PRKD1: variants seen among roughly 807,000 people sequenced by gnomAD.
PRKD1 encodes serine/threonine-protein kinase D1.
Under a neutral mutation model 95.9 loss-of-function variants are expected in PRKD1, and 63 were observed. The ratio of observed to expected loss-of-function variants is 0.66; its 90% CI spans 0.54 to 0.81. The LOEUF (loss-of-function observed/expected upper bound fraction) is 0.81, where lower values mean the gene tolerates loss of function less well. PRKD1 is among the 30% of genes least tolerant of loss of function. The pLI is 0.00. For missense variants in PRKD1, 1,048 were observed against 1,165.3 expected (o/e 0.90, Z 1.47); for synonymous variants, 425 against 423.1 (o/e 1.00, Z -0.05).
chr14:29,662,694 C>T (rs1882249496), intron 4 of PRKD1, among the ~76,000 whole-genome samples: 1 of 151,924 alleles, frequency 6.6e-6, no homozygotes, highest in Admixed American at 6.6e-5. Flanking sequence ...AAAATATTTT[C>T]CAAACAAGTA....
At chr14:29,679,854 A>G (rs1462351112) in intron 2 of PRKD1, among the ~76,000 whole-genome samples, 1 of 151,982 alleles carries the variant, frequency 6.6e-6, no homozygotes, top group African/African-American at 2.4e-5. Context: ...CAGCCTCCCA[A>G]GTAGCTGAGA....
intron 17 of PRKD1, among the ~76,000 whole-genome samples, chr14:29,577,896 T>G (rs1314650930): frequency 1.3e-5 from 2 of 152,180 alleles, no homozygotes; most frequent in African/African-American, 4.8e-5. Context: ...TCTAAATGAG[T>G]ACAGTGCATG....
intron 1 of PRKD1, among the ~76,000 whole-genome samples, chr14:29,726,958 C>A (rs1235794845): frequency 2.0e-5 from 3 of 152,016 alleles, no homozygotes; most frequent in Non-Finnish European, 4.4e-5. Context: ...GTTCTAGATC[C>A]CTGAGGAATC....
At chr14:29,586,544 T>C (rs1016573762) in intron 16 of PRKD1, among the ~76,000 whole-genome samples, 1 of 152,222 alleles carries the variant, frequency 6.6e-6, no homozygotes, top group Non-Finnish European at 1.5e-5. Flanking sequence ...AGTATGATCG[T>C]ATTTCTTATC....
At chr14:29,768,801 C>T (rs1180966261) in intron 1 of PRKD1, among the ~76,000 whole-genome samples, 1 of 151,966 alleles carries the variant, frequency 6.6e-6, no homozygotes, top group Admixed American at 6.6e-5. Context: ...CAAACATAAG[C>T]CTACCTTTTC....
intron 1 of PRKD1, among the ~76,000 whole-genome samples, chr14:29,740,388 G>C (rs1886934260): frequency 6.6e-6 from 1 of 152,178 alleles, no homozygotes; most frequent in Non-Finnish European, 1.5e-5. Flanking sequence ...ATTAACTTTA[G>C]AGAAGAAAAA....
chr14:29,648,686 G>A (rs1322902643), intron 4 of PRKD1, among the ~76,000 whole-genome samples: 7 of 151,496 alleles, frequency 4.6e-5, no homozygotes, highest in Non-Finnish European at 8.8e-5. Context: ...AGGGAGTCTC[G>A]CTCTGTTGCC....
chr14:29,668,763 G>C (rs45509593), intron 2 of PRKD1, among the ~76,000 whole-genome samples: 72 of 152,212 alleles, frequency 4.7e-4, no homozygotes, highest in African/African-American at 1.6e-3. Context: ...TTAAAAAACT[G>C]GTAATTTTGG....
chr14:29,695,762 T>A lies in PRKD1; in HGVS notation c.404-29554A>T, dbSNP rs141698575. On this transcript the variant is annotated intron_variant, in intron 2 of 17. Coordinates refer to ENST00000331968, the MANE Select transcript of PRKD1 (RefSeq NM_002742.3). ...TAAACTGGAAAGAGTTTTGAGTTCA[T>A]CTCTAGGGAAATATCAGAAAAGAGG... 4.9e-3 allele frequency among the ~76,000 whole-genome samples: 747 copies of A among 152,252 alleles called. 3 individuals are homozygous for A. Among genetic ancestry groups the A allele is most frequent in the Middle Eastern group, 0.031 (9 of 294 alleles).
At chr14:29,639,947 A>G (rs189472930) in intron 4 of PRKD1, among the ~76,000 whole-genome samples, 1 of 152,338 alleles carries the variant, frequency 6.6e-6, no homozygotes, top group Non-Finnish European at 1.5e-5. Flanking sequence ...ATAATTTCAC[A>G]GTACCTTTGA....
chr14:29,787,245 A>AT (rs1889318455), intron 1 of PRKD1, among the ~76,000 whole-genome samples: 1 of 129,458 alleles, frequency 7.7e-6, no homozygotes, highest in African/African-American at 3.0e-5. Flanking sequence ...TTTGAGGCCT[A>AT]ATATATGGTC....
At position 29,775,353 on chromosome 14, in the gene PRKD1, C is replaced by T. The variant is rs528128022; in HGVS notation, c.265-49679G>A. ...AGAGTCGAAGCAGGGCGAGGCATCGCCTCACCCGGGAAAAGCAAAGGGTCA... is the reference window on the plus strand; with the variant it reads ...AGAGTCGAAGCAGGGCGAGGCATCGTCTCACCCGGGAAAAGCAAAGGGTCA... On this transcript the variant is annotated intron_variant, in intron 1 of 17. Transcript: ENST00000331968. 2.0e-5 allele frequency among the ~76,000 whole-genome samples: 3 copies of T among 152,300 alleles called. No individual in the cohort carries two copies. The South Asian group carries it at 6.2e-4, about 32-fold the overall frequency.
chr14:29,753,531 C>T (rs1887569882), intron 1 of PRKD1, among the ~76,000 whole-genome samples: 1 of 152,058 alleles, frequency 6.6e-6, no homozygotes, highest in African/African-American at 2.4e-5. Flanking sequence ...CCAGACAGAA[C>T]TCATTCCCCT....
intron 1 of PRKD1, among the ~76,000 whole-genome samples, chr14:29,728,145 A>C (rs1185110274): frequency 6.7e-6 from 1 of 150,160 alleles, no homozygotes; most frequent in East Asian, 1.9e-4. Context: ...ATGTACCCTA[A>C]AACTTAAAGT....
intron 1 of PRKD1, among the ~76,000 whole-genome samples, chr14:29,830,275 T>C (rs1383081409): frequency 6.6e-6 from 1 of 152,202 alleles, no homozygotes; most frequent in Non-Finnish European, 1.5e-5. Flanking sequence ...GTACTACAAA[T>C]TGTCCCTCCC....
intron 1 of PRKD1, among the ~76,000 whole-genome samples, chr14:29,828,483 T>C (rs1891282206): frequency 6.6e-6 from 1 of 152,080 alleles, no homozygotes; most frequent in Admixed American, 6.6e-5. Flanking sequence ...AGAGGTCACA[T>C]TTCGACAGGA....
intron 1 of PRKD1, among the ~76,000 whole-genome samples, chr14:29,872,557 C>T (rs932796339): frequency 1.3e-5 from 2 of 150,482 alleles, no homozygotes; most frequent in African/African-American, 4.9e-5. Flanking sequence ...GAGGCTGAGA[C>T]AGACAGGAGA....
chr14:29,838,805 C>T (rs1179327907), intron 1 of PRKD1, among the ~76,000 whole-genome samples: 1 of 152,110 alleles, frequency 6.6e-6, no homozygotes, highest in African/African-American at 2.4e-5. Context: ...CTTGCTATAA[C>T]ATGTTTGAAC....
At chr14:29,661,688 G>T (rs185056139) in intron 4 of PRKD1, among the ~76,000 whole-genome samples, 11 of 152,130 alleles carry the variant, frequency 7.2e-5, no homozygotes, top group African/African-American at 2.4e-4. Flanking sequence ...CTGAGAACCA[G>T]TGTGTCAAAT....
Sources: gnomAD v4.1 joint callset for allele counts (sites outside exome capture counted in the v4.1 genomes callset) on GRCh38, gnomAD v4.1.1 for gene constraint, MANE v1.5 for transcripts, NCBI Gene and HGNC (gene_info 2026-07-23, HGNC 2026-07-21) for gene names.